The following GPATCH2L variants were observed in gnomAD, a reference collection of about 807,000 sequenced individuals.
The protein encoded by GPATCH2L is G-patch domain containing 2 like, also known as G patch domain-containing protein 2-like.
Under a neutral mutation model 57.4 loss-of-function variants are expected in GPATCH2L, and 31 were observed. The ratio of observed to expected loss-of-function variants is 0.54; its 90% CI spans 0.41 to 0.73. GPATCH2L has a LOEUF of 0.73. GPATCH2L is among the 30% of genes least tolerant of loss of function. The pLI is 0.00. For synonymous variants in GPATCH2L, 199 were observed against 210.7 expected (o/e 0.94, Z 0.48); for missense variants, 481 against 599.9 (o/e 0.80, Z 2.07).
chr14:76,177,951 T>C lies in GPATCH2L; in HGVS notation c.1053-37T>C, dbSNP rs776937550. ...AATCAGGTAAGATCATTTTTCTTTG[T>C]CATCTTTATTTTATCATTTGGTTTC... On this transcript the variant is annotated intron_variant, in intron 6 of 9. Transcript: ENST00000261530. 60 of 1,601,290 alleles carry C rather than the reference T, an allele frequency of 3.7e-5. 1 individual carries two copies. The Admixed American group carries it at 1.0e-3, about 27-fold the overall frequency.
At chr14:76,159,010 C>T (rs571250379) in intron 2 of GPATCH2L, among the ~76,000 whole-genome samples, 2 of 152,182 alleles carry the variant, frequency 1.3e-5, no homozygotes, top group African/African-American at 4.8e-5. Context: ...AATGTTGCTG[C>T]GGTTAAAAAA....
At chr14:76,152,512 CTCTT>C in intron 1 of GPATCH2L, 2 of 373,886 alleles carry the variant, frequency 5.3e-6, no homozygotes, top group South Asian at 3.9e-5. Context: ...GCTCCTGTCT[CTCTT>C]CTTACTTGCT....
At chr14:76,182,926 G>GTA in intron 8 of GPATCH2L, among the ~76,000 whole-genome samples, 1 of 152,318 alleles carries the variant, frequency 6.6e-6, no homozygotes, top group African/African-American at 2.4e-5. Flanking sequence ...TAGGAAAACA[G>GTA]TCCTTTAGCT....
chr14:76,190,272 C>A (rs1380488488), intron 8 of GPATCH2L, among the ~76,000 whole-genome samples: 2 of 152,036 alleles, frequency 1.3e-5, no homozygotes, highest in African/African-American at 4.8e-5. Context: ...TAGAAAGAAT[C>A]CTCTTTCCAT....
chr14:76,214,865 A>G (rs1252310992), downstream of GPATCH2L, among the ~76,000 whole-genome samples: 1 of 152,258 alleles, frequency 6.6e-6, no homozygotes, highest in Admixed American at 6.5e-5. Flanking sequence ...TGCATGGGAA[A>G]GGTTTTTTTT....
chr14:76,209,582 G>T lies in GPATCH2L; in HGVS notation c.*7731G>T, dbSNP rs2040417611. 1 of 152,294 alleles carries T rather than the reference G, an allele frequency of 6.6e-6. No individual in the cohort carries two copies. The highest frequency in any genetic ancestry group is 1.5e-5 in the Non-Finnish European group (1 of 68,118). 9.4% of individuals were successfully genotyped at this position (152,294 alleles called of 1,614,324 possible). ...TTCCGGGTCTTGGACTGGTAAGGGG[G>T]CCTGTGCCCAAAAGGGGCTCCTCCA... On this transcript the variant is annotated 3_prime_UTR_variant, in exon 10 of 10. Coordinates refer to ENST00000261530, the MANE Select transcript of GPATCH2L (RefSeq NM_017926.4).
chr14:76,201,601 T>A (rs952342293), intron 9 of GPATCH2L, 90 bp from the exon 10 acceptor site: 9 of 1,013,776 alleles, frequency 8.9e-6, no homozygotes, highest in Non-Finnish European at 1.2e-5. Flanking sequence ...ATTAAGAAAA[T>A]TTTTTTTCTA....
downstream of GPATCH2L, among the ~76,000 whole-genome samples, chr14:76,218,860 A>G (rs1436680402): frequency 6.9e-6 from 1 of 145,816 alleles, no homozygotes; most frequent in Non-Finnish European, 1.6e-5. Context: ...TGGAAAAAAG[A>G]TTAGTCAGCA....
chr14:76,209,035 T>G lies in GPATCH2L; in HGVS notation c.*7184T>G, dbSNP rs1416194318. On this transcript the variant is annotated 3_prime_UTR_variant, in exon 10 of 10. Coordinates refer to ENST00000261530, the MANE Select transcript of GPATCH2L (RefSeq NM_017926.4). ...ACCCTTGCTACCATTAAAACTGTTC[T>G]TGCTGGATTCACCCACCAGTGACTT... 1.3e-5 allele frequency: 2 copies of G among 152,252 alleles called. No individual in the cohort carries two copies. The highest frequency in any genetic ancestry group is 4.8e-5 in the African/African-American group (2 of 41,468). 9.4% of individuals were successfully genotyped at this position (152,252 alleles called of 1,614,324 possible). A position where few individuals can be genotyped will look rare whatever the true frequency, so the allele number is the denominator to read the frequency against.
chr14:76,153,656 G>A (rs1227649729), intron 1 of GPATCH2L: 3 of 152,178 alleles, frequency 2.0e-5, no homozygotes, highest in Non-Finnish European at 4.4e-5. Context: ...TACTGTATAA[G>A]GTTCTATACC....
intron 1 of GPATCH2L, among the ~76,000 whole-genome samples, chr14:76,220,370 T>C (rs941746758): frequency 6.6e-6 from 1 of 151,952 alleles, no homozygotes; most frequent in Non-Finnish European, 1.5e-5. Context: ...CAAATATCAG[T>C]TGAGATAAAT....
intron 8 of GPATCH2L, among the ~76,000 whole-genome samples, chr14:76,193,769 A>G (rs1224032519): frequency 6.6e-6 from 1 of 152,162 alleles, no homozygotes; most frequent in African/African-American, 2.4e-5. Context: ...AGTGGTGTTA[A>G]CATTTTTTCT....
At chr14:76,185,610 C>A (rs1454580226) in intron 8 of GPATCH2L, among the ~76,000 whole-genome samples, 1 of 152,016 alleles carries the variant, frequency 6.6e-6, no homozygotes, top group Non-Finnish European at 1.5e-5. Context: ...CTTTTAGTGA[C>A]CTTTCCTTTA....
intron 1 of GPATCH2L, among the ~76,000 whole-genome samples, chr14:76,227,263 G>C (rs955969593): frequency 6.6e-6 from 1 of 152,192 alleles, no homozygotes; most frequent in Non-Finnish European, 1.5e-5. Context: ...GCCGGCATCT[G>C]TTCTGATTAG....
chr14:76,230,683 C>G (rs1481597407), intron 2 of GPATCH2L, among the ~76,000 whole-genome samples: 1 of 152,222 alleles, frequency 6.6e-6, no homozygotes, highest in Non-Finnish European at 1.5e-5. Context: ...CTTCTGTTCT[C>G]TTGGTTGCTT....
chr14:76,180,979 A>T (rs1035325110), intron 8 of GPATCH2L, 130 bp downstream of exon 8: 1 of 641,486 alleles, frequency 1.6e-6, no homozygotes, highest in African/African-American at 1.8e-5. Flanking sequence ...AGGTAAATAG[A>T]TGTTTTACAG....
At chr14:76,197,837 AT>A (rs1442121042) in intron 9 of GPATCH2L, among the ~76,000 whole-genome samples, 8 of 152,046 alleles carry the variant, frequency 5.3e-5, no homozygotes, top group Non-Finnish European at 1.0e-4. Flanking sequence ...TCTTTATAGG[AT>A]TTTCCTAAAA....
intron 1 of GPATCH2L, among the ~76,000 whole-genome samples, chr14:76,222,238 G>T (rs571996719): frequency 6.6e-6 from 1 of 152,302 alleles, no homozygotes; most frequent in South Asian, 2.1e-4. Flanking sequence ...AATGTAATAT[G>T]AAGAACTTTC....
At chr14:76,152,192 C>T (rs1379258143) in intron 1 of GPATCH2L, among the ~76,000 whole-genome samples, 1 of 152,188 alleles carries the variant, frequency 6.6e-6, no homozygotes, top group Non-Finnish European at 1.5e-5. Flanking sequence ...TCCGGGGCCA[C>T]AGCCCCCTCT....
Sources: allele counts gnomAD v4.1 joint callset (sites outside exome capture counted in the v4.1 genomes callset), GRCh38; gene constraint gnomAD v4.1.1; transcripts MANE v1.5; gene names NCBI Gene and HGNC (gene_info 2026-07-23, HGNC 2026-07-21).